MYO16: variants seen among roughly 807,000 people sequenced by gnomAD.
MYO16 encodes the protein myosin XVI.
In MYO16, 94 loss-of-function variants were observed where a neutral mutation model predicts 205.3. The ratio of observed to expected loss-of-function variants is 0.46; its 90% confidence interval spans 0.39 to 0.54. The LOEUF (loss-of-function observed/expected upper bound fraction) is 0.54. Ranked by LOEUF, MYO16 falls within the 20% of genes least tolerant of loss-of-function variation. The pLI, the probability that MYO16 is intolerant of heterozygous loss-of-function variation, is 0.00. For synonymous variants in MYO16, 988 were observed against 954.0 expected (o/e 1.04, Z -0.66); for missense variants, 2,315 against 2,387.5 (o/e 0.97, Z 0.63).
intron 33 of MYO16, among the ~76,000 whole-genome samples, chr13:109,177,231 G>A (rs1041767698): frequency 3.3e-5 from 5 of 152,164 alleles, no homozygotes; most frequent in Non-Finnish European, 5.9e-5. Flanking sequence ...TGTTCAACGT[G>A]ACCTGTACTC....
chr13:108,761,059 T>C (rs196186), intron 4 of MYO16, among the ~76,000 whole-genome samples: 151,417 of 152,320 alleles, frequency 0.99, 75,264 homozygotes, highest in Middle Eastern at 1. Context: ...CACACATGCA[T>C]CACACACACC....
chr13:108,799,341 T>G (rs1309957021), intron 6 of MYO16, among the ~76,000 whole-genome samples: 1 of 152,200 alleles, frequency 6.6e-6, no homozygotes, highest in Non-Finnish European at 1.5e-5. Flanking sequence ...ATAAAAATGG[T>G]GCCTAGAAAA....
chr13:108,646,608 T>G (rs141387532), intron 1 of MYO16, among the ~76,000 whole-genome samples: 1,784 of 152,316 alleles, frequency 0.012, 22 homozygotes, highest in Non-Finnish European at 0.017. Flanking sequence ...TAACTTGACC[T>G]TCTCCAAGCA....
chr13:109,090,366 C>T (rs986075622), intron 27 of MYO16, among the ~76,000 whole-genome samples: 5 of 152,278 alleles, frequency 3.3e-5, no homozygotes, highest in African/African-American at 7.2e-5. Context: ...TGTAAATACG[C>T]AGGGCGGGGT....
At chr13:108,912,839 G>C (rs1369791418) in intron 16 of MYO16, among the ~76,000 whole-genome samples, 3 of 152,106 alleles carry the variant, frequency 2.0e-5, no homozygotes, top group Non-Finnish European at 4.4e-5. Context: ...GTGTGTGTCT[G>C]TGTGTGTGCA....
At chr13:109,145,245 A>G (rs1877274893) in intron 32 of MYO16, among the ~76,000 whole-genome samples, 1 of 152,172 alleles carries the variant, frequency 6.6e-6, no homozygotes, top group African/African-American at 2.4e-5. Context: ...AGATTAATCT[A>G]CTTGCTCAAA....
At chr13:109,012,547 T>C (rs2139490920) in intron 22 of MYO16, among the ~76,000 whole-genome samples, 1 of 152,268 alleles carries the variant, frequency 6.6e-6, no homozygotes, top group South Asian at 2.1e-4. Context: ...GCACAATAAA[T>C]GTAATGCACT....
intron 1 of MYO16, among the ~76,000 whole-genome samples, chr13:108,607,840 C>A (rs1879017743): frequency 6.6e-6 from 1 of 152,112 alleles, no homozygotes; most frequent in Admixed American, 6.6e-5. Flanking sequence ...GCCCTGTCAC[C>A]CTCTACAGTC....
intron 16 of MYO16, among the ~76,000 whole-genome samples, chr13:108,957,070 C>A (rs1883379745): frequency 6.6e-6 from 1 of 151,496 alleles, no homozygotes; most frequent in Non-Finnish European, 1.5e-5. Flanking sequence ...TATGATAGAA[C>A]CTGTTGAATT....
At chr13:108,616,335 G>A (rs1298012367) in intron 1 of MYO16, among the ~76,000 whole-genome samples, 1 of 152,138 alleles carries the variant, frequency 6.6e-6, no homozygotes, top group Non-Finnish European at 1.5e-5. Context: ...GACTCTTTCA[G>A]AGCGAAATGC....
chr13:109,122,905 TTTCCAGTTGTTGTTTTAAGAA>T (rs1350993516), intron 29 of MYO16, among the ~76,000 whole-genome samples: 5 of 152,192 alleles, frequency 3.3e-5, no homozygotes, highest in Non-Finnish European at 2.9e-5. Context: ...TCTGGAACCA[TTTCCAGTTGTTGTTTTAAGAA>T]TTCTATATTT....
At chr13:109,116,121 A>G (rs2139749919) in intron 28 of MYO16, among the ~76,000 whole-genome samples, 1 of 152,352 alleles carries the variant, frequency 6.6e-6, no homozygotes, top group Middle Eastern at 3.4e-3. Flanking sequence ...AATATGCCCA[A>G]GTAGTTGATT....
At chr13:108,740,244 G>T (rs1186526290) in intron 4 of MYO16, among the ~76,000 whole-genome samples, 1 of 150,100 alleles carries the variant, frequency 6.7e-6, no homozygotes, top group Non-Finnish European at 1.5e-5. Flanking sequence ...TTTTGGCTCT[G>T]TTTTTTCCCC....
At chr13:109,022,691 T>C in intron 23 of MYO16, among the ~76,000 whole-genome samples, 1 of 117,638 alleles carries the variant, frequency 8.5e-6, no homozygotes, top group Non-Finnish European at 1.7e-5. Flanking sequence ...TATAAACATG[T>C]ATATATTTAT....
intron 5 of MYO16, among the ~76,000 whole-genome samples, chr13:108,791,555 G>C (rs1886616206): frequency 6.6e-6 from 1 of 152,172 alleles, no homozygotes; most frequent in African/African-American, 2.4e-5. Flanking sequence ...CAGAGGATAA[G>C]TTACTTGCCC....
chr13:108,768,889 A>AT (rs1885867894), intron 4 of MYO16, among the ~76,000 whole-genome samples: 1 of 152,182 alleles, frequency 6.6e-6, no homozygotes, highest in African/African-American at 2.4e-5. Flanking sequence ...TGAACAGATA[A>AT]TTTATGAAAG....
the MYO16 span, among the ~76,000 whole-genome samples, chr13:108,570,671 C>T: frequency 6.6e-6 from 1 of 152,174 alleles, no homozygotes; most frequent in South Asian, 2.1e-4. Flanking sequence ...TCTGAAATAC[C>T]TTGTACTTTC....
the MYO16 span, among the ~76,000 whole-genome samples, chr13:108,497,924 G>A: frequency 1.3e-5 from 2 of 152,112 alleles, no homozygotes; most frequent in Non-Finnish European, 2.9e-5. Flanking sequence ...TAGAAATATT[G>A]CCTTCTCCTT....
intron 4 of MYO16, among the ~76,000 whole-genome samples, chr13:108,774,078 G>A (rs530875384): frequency 1.3e-5 from 2 of 152,064 alleles, no homozygotes; most frequent in South Asian, 2.1e-4. Flanking sequence ...GTGACAGAGC[G>A]AGACTCTGTC....
Sources: allele counts gnomAD v4.1 joint callset (sites outside exome capture counted in the v4.1 genomes callset), GRCh38; gene constraint gnomAD v4.1.1; transcripts MANE v1.5; gene names NCBI Gene and HGNC (gene_info 2026-07-23, HGNC 2026-07-21).